CCSER1: variants seen among roughly 807,000 people sequenced by gnomAD.
CCSER1 encodes coiled-coil serine rich protein 1.
Under a neutral mutation model 82.0 loss-of-function variants are expected in CCSER1, and 41 were observed. That is an observed-to-expected ratio of 0.50 (90% CI 0.39 to 0.65). The LOEUF (loss-of-function observed/expected upper bound fraction) is 0.65, where lower values mean the gene tolerates loss of function less well. CCSER1 is among the 30% of genes least tolerant of loss of function. The pLI is 0.00. For missense variants in CCSER1, 1,119 were observed against 1,064.2 expected (o/e 1.05, Z -0.72); for synonymous variants, 414 against 383.9 (o/e 1.08, Z -0.92).
At chr4:90,691,555 CAT>C (rs1491379838) in intron 6 of CCSER1, among the ~76,000 whole-genome samples, 2 of 131,608 alleles carry the variant, frequency 1.5e-5, no homozygotes, top group Admixed American at 7.9e-5. Flanking sequence ...GTACATATCA[CAT>C]GTGTGTATAT....
chr4:90,599,442 T>G (rs540187226), intron 5 of CCSER1, among the ~76,000 whole-genome samples: 6 of 152,212 alleles, frequency 3.9e-5, no homozygotes, highest in Non-Finnish European at 7.4e-5. Flanking sequence ...CTGAGGCCTC[T>G]CCAGCCATGT....
chr4:90,748,048 T>TTTTTA (rs1554004196), intron 7 of CCSER1, among the ~76,000 whole-genome samples: 1 of 145,900 alleles, frequency 6.9e-6, no homozygotes, highest in African/African-American at 2.6e-5. Context: ...CTTTTTTTTT[T>TTTTTA]ATTATACTTT....
intron 8 of CCSER1, among the ~76,000 whole-genome samples, chr4:90,851,176 TA>T (rs1239562225): frequency 1.3e-5 from 2 of 152,202 alleles, no homozygotes; most frequent in Non-Finnish European, 2.9e-5. Context: ...CTTTTTTCTT[TA>T]TAAATTACCC....
intron 10 of CCSER1, among the ~76,000 whole-genome samples, chr4:91,165,742 G>T (rs536984184): frequency 6.6e-6 from 1 of 152,254 alleles, no homozygotes; most frequent in Non-Finnish European, 1.5e-5. Flanking sequence ...CAAACCAGGC[G>T]TGGGATATAA....
intron 1 of CCSER1, among the ~76,000 whole-genome samples, chr4:90,246,072 T>C (rs1380097013): frequency 1.3e-5 from 2 of 152,196 alleles, no homozygotes; most frequent in Admixed American, 6.5e-5. Context: ...GTTGATCAAC[T>C]GACATCCTGT....
chr4:90,523,525 G>A (rs1257927501), intron 5 of CCSER1, among the ~76,000 whole-genome samples: 1 of 152,082 alleles, frequency 6.6e-6, no homozygotes, highest in East Asian at 1.9e-4. Flanking sequence ...AAGCACAAAT[G>A]TACAGTGTTT....
intron 10 of CCSER1, among the ~76,000 whole-genome samples, chr4:91,521,446 A>G (rs1560734996): frequency 6.6e-6 from 1 of 152,168 alleles, no homozygotes; most frequent in Admixed American, 6.5e-5. Context: ...ATCCTTGAGG[A>G]AATGGCACAC....
intron 10 of CCSER1, among the ~76,000 whole-genome samples, chr4:91,410,328 A>G (rs985152504): frequency 6.6e-6 from 1 of 151,992 alleles, no homozygotes; most frequent in Non-Finnish European, 1.5e-5. Flanking sequence ...TTTTTTTACC[A>G]TAGATGAAAT....
Position 91,252,414 on chromosome 4 carries a change from A to G in CCSER1, c.2217+166420A>G, listed in dbSNP as rs62311995. ...TGTGTGAAAAAATAAAGATTTAAAT[A>G]AAGATAAGTACATGGACAATCATAA... On this transcript the variant is annotated intron_variant, in intron 10 of 10. Coordinates refer to ENST00000509176, the MANE Select transcript of CCSER1 (RefSeq NM_001145065.2). 2.1e-3 allele frequency among the ~76,000 whole-genome samples: 315 copies of G among 152,288 alleles called. 1 individual carries two copies. Among genetic ancestry groups the G allele is most frequent in the Non-Finnish European group, 3.7e-3 (254 of 68,010 alleles).
chr4:90,268,743 A>T (rs1002713466), intron 1 of CCSER1, among the ~76,000 whole-genome samples: 6 of 152,128 alleles, frequency 3.9e-5, no homozygotes, highest in African/African-American at 1.4e-4. Flanking sequence ...CACCAATCAA[A>T]AAACAGAGTT....
chr4:91,037,916 T>G (rs145558979), intron 9 of CCSER1, among the ~76,000 whole-genome samples: 1 of 152,156 alleles, frequency 6.6e-6, no homozygotes, highest in Non-Finnish European at 1.5e-5. Flanking sequence ...TATCTCTGGA[T>G]AGTAAAAATA....
intron 10 of CCSER1, among the ~76,000 whole-genome samples, chr4:91,345,689 A>G (rs1287153894): frequency 6.6e-6 from 1 of 152,136 alleles, no homozygotes; most frequent in African/African-American, 2.4e-5. Context: ...ATTGTTATAA[A>G]CCAAACTCCA....
chr4:90,442,121 G>C (rs1759973349), intron 4 of CCSER1, among the ~76,000 whole-genome samples: 1 of 152,084 alleles, frequency 6.6e-6, no homozygotes, highest in South Asian at 2.1e-4. Flanking sequence ...TCCACCAAAG[G>C]GGAGTCTTAA....
intron 8 of CCSER1, chr4:90,911,248 T>C: frequency 2.2e-6 from 1 of 456,126 alleles, no homozygotes; most frequent in Middle Eastern, 3.3e-4. Context: ...TAGTGTCTCC[T>C]TGATAGCTCC....
At chr4:90,957,588 ATTAT>A (rs1733636951) in intron 9 of CCSER1, among the ~76,000 whole-genome samples, 7 of 131,388 alleles carry the variant, frequency 5.3e-5, no homozygotes, top group Middle Eastern at 3.6e-3. Flanking sequence ...ATAATATATT[ATTAT>A]TTATATTATA....
Position 90,841,533 on chromosome 4 carries a change from G to A in CCSER1, c.2094+25688G>A, listed in dbSNP as rs896941126. ...GCAGAGCTTGCAGTGAGCCGAGATCGCTCCACTGTATTCCAGCCTGGGCGA... is the reference window on the plus strand; with the variant it reads ...GCAGAGCTTGCAGTGAGCCGAGATCACTCCACTGTATTCCAGCCTGGGCGA... On this transcript the variant is annotated intron_variant, in intron 8 of 10. Coordinates refer to ENST00000509176, the MANE Select transcript of CCSER1 (RefSeq NM_001145065.2). Among the ~76,000 whole-genome samples, 7 of 141,690 alleles carry A rather than the reference G, an allele frequency of 4.9e-5. No homozygotes were observed. The East Asian group carries it at 8.3e-4, about 17-fold the overall frequency. The allele number at this position is 141,690 out of a possible 152,430, so 93.0% of individuals were successfully genotyped here.
intron 3 of CCSER1, among the ~76,000 whole-genome samples, chr4:90,322,175 G>T (rs7654964): frequency 1.3e-5 from 2 of 151,920 alleles, no homozygotes; most frequent in Admixed American, 6.6e-5. Context: ...AGAGATAGGC[G>T]TGTAGGTTCA....
chr4:91,247,125 C>A (rs1333131259), intron 10 of CCSER1, among the ~76,000 whole-genome samples: 3 of 151,818 alleles, frequency 2.0e-5, no homozygotes, highest in South Asian at 4.2e-4. Context: ...CACGGTGAAA[C>A]CCTGTCTCTA....
At chr4:91,092,787 G>A (rs1215487651) in intron 10 of CCSER1, among the ~76,000 whole-genome samples, 1 of 152,130 alleles carries the variant, frequency 6.6e-6, no homozygotes, top group Admixed American at 6.5e-5. Flanking sequence ...CACCAGATCA[G>A]GTGTTTGAGG....
Sources: allele counts gnomAD v4.1 joint callset (sites outside exome capture counted in the v4.1 genomes callset), GRCh38; gene constraint gnomAD v4.1.1; transcripts MANE v1.5; gene names NCBI Gene and HGNC (gene_info 2026-07-23, HGNC 2026-07-21).